The following CSMD1 variants were observed in gnomAD, a reference collection of about 807,000 sequenced individuals.
The protein encoded by CSMD1 is CUB and Sushi multiple domains 1.
In CSMD1, 213 loss-of-function variants were observed where a neutral mutation model predicts 417.5. The ratio of observed to expected loss-of-function variants is 0.51; its 90% CI spans 0.46 to 0.57. The LOEUF is 0.57. Ranked by LOEUF, CSMD1 falls within the 20% of genes least tolerant of loss-of-function variation. CSMD1 has a pLI of 0.00. For synonymous variants in CSMD1, 2,862 were observed against 1,736.8 expected, an observed-to-expected ratio of 1.65 and a Z score of -16.11; for missense variants, 6,923 against 4,529.7, an observed-to-expected ratio of 1.53 and a Z score of -15.17.
intron 2 of CSMD1, among the ~76,000 whole-genome samples, chr8:4,445,115 A>G (rs1270954859): frequency 1.3e-5 from 2 of 152,220 alleles, no homozygotes; most frequent in Non-Finnish European, 2.9e-5. Flanking sequence ...AAAAAGTATG[A>G]CTGGATAGTA....
intron 1 of CSMD1, among the ~76,000 whole-genome samples, chr8:4,763,207 A>G (rs189930976): frequency 2.4e-3 from 369 of 152,346 alleles, no homozygotes; most frequent in African/African-American, 8.5e-3. Context: ...ATTGACTTCA[A>G]AACTGTTATT....
intron 5 of CSMD1, among the ~76,000 whole-genome samples, chr8:3,864,048 A>T (rs1353898969): frequency 6.6e-6 from 1 of 152,208 alleles, no homozygotes; most frequent in Non-Finnish European, 1.5e-5. Context: ...AGTGAAGATG[A>T]ATGTGAAGAT....
chr8:3,874,319 G>C (rs972197785), intron 5 of CSMD1, among the ~76,000 whole-genome samples: 2 of 152,118 alleles, frequency 1.3e-5, no homozygotes, highest in African/African-American at 4.8e-5. Context: ...TACAGGCTGC[G>C]TAACTCTTAT....
At chr8:4,961,274 C>T (rs913187141) in intron 1 of CSMD1, among the ~76,000 whole-genome samples, 34 of 152,098 alleles carry the variant, frequency 2.2e-4, no homozygotes, top group African/African-American at 8.2e-4. Context: ...TTTATCCCAT[C>T]AAACGCATCC....
In CSMD1 at chr8:4,384,772, G is replaced by A. The variant is rs572665968; in HGVS notation, c.415+35181C>T. ...TTCACATCAGCAATTCCTACCGGTC[G>A]GGCTTCCCGACTTCACTAATCAGTC... is the stretch of plus-strand genomic sequence containing the variant. On this transcript the variant is annotated intron_variant, in intron 3 of 69. Transcript: ENST00000635120. Among the ~76,000 whole-genome samples, 7 of 152,112 alleles carry A rather than the reference G, an allele frequency of 4.6e-5. No individual in the cohort carries two copies. The South Asian group carries it at 6.2e-4, about 14-fold the overall frequency.
chr8:4,433,071 T>C (rs1047539555), intron 2 of CSMD1, among the ~76,000 whole-genome samples: 2 of 152,186 alleles, frequency 1.3e-5, no homozygotes, highest in Non-Finnish European at 2.9e-5. Context: ...TCTTTATAAC[T>C]ATCCAATGCC....
rs553876609 is a variant in CSMD1 at position 4,751,381 on chromosome 8, A to G, written c.86-113823T>C. 8.8e-5 allele frequency among the ~76,000 whole-genome samples: 13 copies of G among 147,242 alleles called. No individual in the cohort carries two copies. In the East Asian group the frequency reaches 2.0e-3, roughly 22 times the overall value. On this transcript the variant is annotated intron_variant, in intron 1 of 69. Transcript: ENST00000635120. ...ACTCCAGCCTGGACGACAGAGCAAG[A>G]CTCTGTCTCAGGGGGGGTGGCGGGG...
At chr8:3,650,479 T>C (rs1797797543) in intron 7 of CSMD1, among the ~76,000 whole-genome samples, 2 of 152,144 alleles carry the variant, frequency 1.3e-5, no homozygotes, top group South Asian at 4.2e-4. Context: ...TAGGACTAAA[T>C]TAAGCTTAGC....
rs1000114197 is a variant in CSMD1, at chr8:3,912,795, G to A, written c.818+85108C>T. Among the ~76,000 whole-genome samples the A allele has an allele frequency of 2.0e-5, 3 of 152,202 alleles. 1 individual carries two copies. Among genetic ancestry groups the A allele is most frequent in the Admixed American group, 2.0e-4 (3 of 15,288 alleles). On this transcript the variant is annotated intron_variant, in intron 5 of 69. Coordinates refer to ENST00000635120, the MANE Select transcript of CSMD1 (RefSeq NM_033225.6). ...GGTCACACGAAGGCATGCAATGCTAGCTAGAGTAAACATGGTAGGATTTTA... is the reference window on the plus strand; with the variant it reads ...GGTCACACGAAGGCATGCAATGCTAACTAGAGTAAACATGGTAGGATTTTA...
intron 25 of CSMD1, among the ~76,000 whole-genome samples, chr8:3,297,106 T>C (rs1029804836): frequency 6.6e-6 from 1 of 152,180 alleles, no homozygotes; most frequent in East Asian, 1.9e-4. Context: ...GAGCTGGAAA[T>C]AATTCTAATA....
At chr8:3,529,940 T>C (rs1310234520) in intron 10 of CSMD1, among the ~76,000 whole-genome samples, 1 of 152,160 alleles carries the variant, frequency 6.6e-6, no homozygotes. Flanking sequence ...TTTGTAAATA[T>C]ATACACAATA....
intron 3 of CSMD1, among the ~76,000 whole-genome samples, chr8:4,183,476 G>C (rs1420033822): frequency 1.3e-5 from 2 of 152,106 alleles, no homozygotes; most frequent in East Asian, 1.9e-4. Context: ...TCTTCAATTG[G>C]AGGTGAAAAC....
chr8:3,777,837 C>T (rs937733993), intron 5 of CSMD1, among the ~76,000 whole-genome samples: 1 of 150,274 alleles, frequency 6.7e-6, no homozygotes, highest in Non-Finnish European at 1.5e-5. Flanking sequence ...CCGCAGCCTC[C>T]TTGAAGTGCA....
Position 4,045,915 on chromosome 8 carries a change from T to C in CSMD1, c.416-13816A>G, listed in dbSNP as rs184411826. On this transcript the variant is annotated intron_variant, in intron 3 of 69. Coordinates refer to ENST00000635120, the MANE Select transcript of CSMD1 (RefSeq NM_033225.6). ...CTATGCTGGTGAACACACACAGGTA[T>C]TACATATTTTCTGGAAAAATACATC... Among the ~76,000 whole-genome samples, 395 of 152,262 alleles carry C rather than the reference T, an allele frequency of 2.6e-3. 12 individuals are homozygous for C. The highest frequency in any genetic ancestry group is 0.023 in the Admixed American group (358 of 15,292).
chr8:4,320,517 C>T (rs186028573), intron 3 of CSMD1, among the ~76,000 whole-genome samples: 2 of 152,106 alleles, frequency 1.3e-5, no homozygotes, highest in East Asian at 3.9e-4. Flanking sequence ...TAGACCCCCA[C>T]CCCCCAACAG....
At chr8:3,591,708 T>A (rs1007452219) in intron 8 of CSMD1, among the ~76,000 whole-genome samples, 1 of 152,152 alleles carries the variant, frequency 6.6e-6, no homozygotes, top group African/African-American at 2.4e-5. Context: ...GATAGATAGA[T>A]AGATGATAGA....
chr8:3,323,088 C>A (rs1433826801), intron 23 of CSMD1, among the ~76,000 whole-genome samples: 2 of 152,148 alleles, frequency 1.3e-5, no homozygotes, highest in South Asian at 4.1e-4. Context: ...TTAAAAACAT[C>A]TGTCATTTAT....
At position 3,377,911 on chromosome 8, in the gene CSMD1, C is replaced by G. The variant is rs140189168; in HGVS notation, c.2783-8541G>C. Among the ~76,000 whole-genome samples the G allele has an allele frequency of 5.3e-5, 8 of 152,306 alleles. No homozygotes were observed. In the East Asian group the frequency reaches 1.5e-3, roughly 29 times the overall value. ...AACACATGTTATATTATCTCTCTCT[C>G]TCTTTCTATCTAACTTTATGGAGCT... is the stretch of plus-strand genomic sequence containing the variant. On this transcript the variant is annotated intron_variant, in intron 18 of 69. Transcript: ENST00000635120.
intron 6 of CSMD1, among the ~76,000 whole-genome samples, chr8:3,719,236 C>T (rs1234382984): frequency 4.6e-5 from 7 of 151,484 alleles, no homozygotes; most frequent in Admixed American, 3.9e-4. Context: ...AGGTGTTCAC[C>T]TTGCAAGGTG....
Sources: gnomAD v4.1 joint callset for allele counts (sites outside exome capture counted in the v4.1 genomes callset) on GRCh38, gnomAD v4.1.1 for gene constraint, MANE v1.5 for transcripts, NCBI Gene and HGNC (gene_info 2026-07-23, HGNC 2026-07-21) for gene names.